Variants in ERI1 observed in about 807,000 individuals in gnomAD.
The protein encoded by ERI1 is exoribonuclease 1, also known as 3'-5' exoribonuclease 1.
ERI1 carries 39 observed loss-of-function variants against 39.7 expected under a neutral mutation model. The observed-to-expected ratio is 0.98, with a 90% CI of 0.76 to 1.28. The LOEUF (loss-of-function observed/expected upper bound fraction) is 1.28, where lower values mean the gene tolerates loss of function less well. Ranked by LOEUF, ERI1 falls within the 50% of genes most tolerant of loss-of-function variation. The pLI is 0.00. For missense variants in ERI1, 581 were observed against 416.9 expected (o/e 1.39, Z -3.43); for synonymous variants, 204 against 149.6 (o/e 1.36, Z -2.65).
intron 3 of ERI1, among the ~76,000 whole-genome samples, chr8:9,094,106 A>G (rs189719513): frequency 6.6e-6 from 1 of 152,364 alleles, no homozygotes; most frequent in East Asian, 1.9e-4. Context: ...AGTAATTATC[A>G]GCAATTTAAA....
chr8:9,086,501 G>A (rs949341368), intron 3 of ERI1, among the ~76,000 whole-genome samples: 1 of 152,202 alleles, frequency 6.6e-6, no homozygotes, highest in Admixed American at 6.5e-5. Context: ...AGCAAGCTGA[G>A]ATCACGCCAC....
At chr8:9,095,540 C>T (rs1317118659) in intron 3 of ERI1, among the ~76,000 whole-genome samples, 1 of 152,080 alleles carries the variant, frequency 6.6e-6, no homozygotes, top group Non-Finnish European at 1.5e-5. Context: ...GGGTCTCACT[C>T]TGAAACCCAG....
intron 6 of ERI1, among the ~76,000 whole-genome samples, chr8:9,026,298 G>C (rs138250013): frequency 4.9e-4 from 75 of 152,170 alleles, no homozygotes; most frequent in African/African-American, 1.8e-3. Flanking sequence ...CAGTTCAGTG[G>C]CATTAAGTAC....
chr8:9,018,531 A>G (rs944997307), intron 5 of ERI1, 125 bp downstream of exon 5: 1 of 575,728 alleles, frequency 1.7e-6, no homozygotes, highest in African/African-American at 1.9e-5. Context: ...CCCCACAGGG[A>G]ATAGTATTTT....
intron 3 of ERI1, among the ~76,000 whole-genome samples, chr8:9,055,980 G>C (rs765767849): frequency 2.0e-5 from 3 of 152,204 alleles, no homozygotes; most frequent in Non-Finnish European, 4.4e-5. Context: ...GCAGGGGAAG[G>C]TCAGAGAGAA....
chr8:9,046,501 A>G (rs973985385), intron 3 of ERI1, among the ~76,000 whole-genome samples: 11 of 152,226 alleles, frequency 7.2e-5, no homozygotes, highest in African/African-American at 2.7e-4. Context: ...TCTCCGGCTA[A>G]GGACAGCACA....
At chr8:9,018,820 G>C (rs1320121932) in intron 5 of ERI1, among the ~76,000 whole-genome samples, 1 of 151,992 alleles carries the variant, frequency 6.6e-6, no homozygotes, top group Non-Finnish European at 1.5e-5. Context: ...CCCTTTCTCT[G>C]TGTAGTTACT....
chr8:9,003,045 C>G lies in ERI1; in HGVS notation c.-19C>G, dbSNP rs1247722524. 1.6e-6 allele frequency: 2 copies of G among 1,240,798 alleles called. No individual in the cohort carries two copies. The highest frequency in any genetic ancestry group is 1.6e-5 in the African/African-American group (1 of 64,354). The allele number at this position is 1,240,798 out of a possible 1,614,324, so 76.9% of individuals were successfully genotyped here. A position where few individuals can be genotyped will look rare whatever the true frequency, so the allele number is the denominator to read the frequency against. On this transcript the variant is annotated 5_prime_UTR_variant, in exon 1 of 7. Coordinates refer to ENST00000250263, the MANE Select transcript of ERI1 (RefSeq NM_153332.4). ...CAAGTGTCCGGCTCCAGCAACTCTC[C>G]TCTGGCGTGACAGCCGGCATGGAGG...
At chr8:9,026,439 G>T (rs749552888) in intron 6 of ERI1, among the ~76,000 whole-genome samples, 1 of 151,986 alleles carries the variant, frequency 6.6e-6, no homozygotes, top group African/African-American at 2.4e-5. Context: ...GTCTCTATCA[G>T]TTTGACTTAT....
downstream of ERI1, among the ~76,000 whole-genome samples, chr8:9,035,342 A>G (rs1563346309): frequency 2.0e-5 from 3 of 149,208 alleles, no homozygotes; most frequent in African/African-American, 4.8e-5. Context: ...CTTGGCTTCA[A>G]AGCTTCAAAG....
chr8:9,003,101 C>A lies in ERI1; in HGVS notation c.38C>A (p.Ala13Asp), dbSNP rs768829769. 161 of 1,247,248 alleles carry A rather than the reference C, an allele frequency of 1.3e-4. No homozygotes were observed. The highest frequency in any genetic ancestry group is 1.2e-4 in the South Asian group (3 of 25,096). The allele number at this position is 1,247,248 out of a possible 1,614,324, so 77.3% of individuals were successfully genotyped here. A position where few individuals can be genotyped will look rare whatever the true frequency, so the allele number is the denominator to read the frequency against. The change falls in exon 1 of 7, where the codon GCC (alanine) becomes GAC (aspartate). Residue 13 changes from alanine to aspartate, a missense_variant. By Grantham distance (126) the Ala-to-Asp change is moderately radical. Transcript: ENST00000250263. ...CAGAGTAAAGAGCCTGCCGGCGAGG[C>A]CGTGGCTCTCGCGCTGCTGGAGTCG... is the stretch of plus-strand genomic sequence containing the variant. ...DPQSKEPAGEAVALALLESPR... is the reference protein window; with the variant it reads ...DPQSKEPAGEDVALALLESPR...
intron 3 of ERI1, among the ~76,000 whole-genome samples, chr8:9,056,961 G>T (rs1342768912): frequency 6.6e-6 from 1 of 151,706 alleles, no homozygotes; most frequent in Non-Finnish European, 1.5e-5. Flanking sequence ...AGCCTCCCGA[G>T]TAGCTGGAAC....
intron 6 of ERI1, among the ~76,000 whole-genome samples, chr8:9,025,126 C>T (rs973587314): frequency 9.9e-5 from 15 of 152,112 alleles, no homozygotes; most frequent in African/African-American, 3.6e-4. Context: ...GATTCTCAGG[C>T]TGAGCAGAGA....
chr8:9,028,519 C>T (rs1399294602), intron 6 of ERI1, among the ~76,000 whole-genome samples: 4 of 152,102 alleles, frequency 2.6e-5, no homozygotes, highest in African/African-American at 4.8e-5. Flanking sequence ...TCCCATTTTA[C>T]GGATGAAGAA....
intron 3 of ERI1, among the ~76,000 whole-genome samples, chr8:9,089,674 A>G (rs954301655): frequency 6.6e-6 from 1 of 152,140 alleles, no homozygotes; most frequent in Admixed American, 6.5e-5. Context: ...TTCCAATCCT[A>G]TGCTGTTCTC....
chr8:9,067,077 C>G (rs1056042165), intron 3 of ERI1, among the ~76,000 whole-genome samples: 1 of 152,120 alleles, frequency 6.6e-6, no homozygotes, highest in Non-Finnish European at 1.5e-5. Context: ...TCTCATTGCC[C>G]TACCTATTTC....
Position 9,016,977 on chromosome 8 carries a change from C to T in ERI1, c.582+572C>T, listed in dbSNP as rs146778131. 3.0e-3 allele frequency among the ~76,000 whole-genome samples: 457 copies of T among 152,278 alleles called. 2 individuals are homozygous for T. The highest frequency in any genetic ancestry group is 0.011 in the African/African-American group (441 of 41,550). On this transcript the variant is annotated intron_variant, in intron 4 of 6. Coordinates refer to ENST00000250263, the MANE Select transcript of ERI1 (RefSeq NM_153332.4). ...GGATTACAGACGTGAGCCACCATGC[C>T]CAGCCAGAGATAAGTTTTAGAATGT...
chr8:9,042,307 C>G (rs959013090), intron 3 of ERI1, among the ~76,000 whole-genome samples: 1 of 152,190 alleles, frequency 6.6e-6, no homozygotes, highest in African/African-American at 2.4e-5. Flanking sequence ...TTTCAACTAT[C>G]CCTTCTCTGC....
At chr8:9,020,889 C>G (rs535911616) in intron 6 of ERI1, among the ~76,000 whole-genome samples, 30 of 152,312 alleles carry the variant, frequency 2.0e-4, no homozygotes, top group Middle Eastern at 3.4e-3. Context: ...GAGGCAAACA[C>G]TTTCAACTTA....
Sources: gnomAD v4.1 joint callset for allele counts (sites outside exome capture counted in the v4.1 genomes callset) on GRCh38, gnomAD v4.1.1 for gene constraint, MANE v1.5 for transcripts, NCBI Gene and HGNC (gene_info 2026-07-23, HGNC 2026-07-21) for gene names.